KCNAB1: variants seen among roughly 807,000 people sequenced by gnomAD.
The protein encoded by KCNAB1 is potassium voltage-gated channel subfamily A regulatory beta subunit 1, also known as voltage-gated potassium channel subunit beta-1.
A neutral mutation model predicts 64.6 loss-of-function variants in KCNAB1; 35 were observed. The ratio of observed to expected loss-of-function variants is 0.54; its 90% CI spans 0.41 to 0.72. The LOEUF (loss-of-function observed/expected upper bound fraction) is 0.72. Among genes scored for constraint, KCNAB1 ranks in the 30% least tolerant of loss-of-function variants. The pLI, the probability that KCNAB1 is intolerant of heterozygous loss-of-function variation, is 0.00. For missense variants in KCNAB1, 401 were observed against 512.9 expected (o/e 0.78, Z 2.11); for synonymous variants, 177 against 183.8 (o/e 0.96, Z 0.30).
At chr3:156,401,397 C>G (rs1473830207) in intron 1 of KCNAB1, among the ~76,000 whole-genome samples, 2 of 152,220 alleles carry the variant, frequency 1.3e-5, no homozygotes, top group Non-Finnish European at 2.9e-5. Context: ...AAGTGTACAT[C>G]ATGAATCACT....
chr3:156,197,640 G>A (rs1295106513), intron 1 of KCNAB1, among the ~76,000 whole-genome samples: 2 of 152,144 alleles, frequency 1.3e-5, no homozygotes, highest in African/African-American at 4.8e-5. Flanking sequence ...GACCAGTGGT[G>A]ATATCCCCTT....
At position 156,364,737 on chromosome 3, in the gene KCNAB1, C is replaced by T. The variant is rs188728291; in HGVS notation, c.276-56879C>T. The stretch of plus-strand genomic sequence containing the variant: ...AGGTTCCGGTGAGCCAAGATGGCAC[C>T]GTTGCACTCCAGCCTGGGCAACAAG... On this transcript the variant is annotated intron_variant, in intron 1 of 13. Transcript: ENST00000490337. Among the ~76,000 whole-genome samples, 62 of 152,084 alleles carry T rather than the reference C, an allele frequency of 4.1e-4. 1 individual carries two copies. The highest frequency in any genetic ancestry group is 1.3e-3 in the African/African-American group (52 of 41,494).
chr3:156,217,468 G>A (rs1274596325), intron 1 of KCNAB1, among the ~76,000 whole-genome samples: 2 of 152,212 alleles, frequency 1.3e-5, no homozygotes, highest in African/African-American at 4.8e-5. Flanking sequence ...TAAGACCTGA[G>A]TAAAAAGAGG....
chr3:156,183,158 G>A (rs1008806638), intron 1 of KCNAB1, among the ~76,000 whole-genome samples: 6 of 152,206 alleles, frequency 3.9e-5, no homozygotes, highest in Non-Finnish European at 7.4e-5. Flanking sequence ...AAGAAATGAG[G>A]CCTTGAGGAG....
chr3:156,455,672 A>G (rs1712352161), intron 3 of KCNAB1, among the ~76,000 whole-genome samples: 1 of 152,164 alleles, frequency 6.6e-6, no homozygotes, highest in African/African-American at 2.4e-5. Flanking sequence ...CTTTTACACT[A>G]GAAGTGTAGA....
chr3:156,384,156 C>A (rs975877671), intron 1 of KCNAB1, among the ~76,000 whole-genome samples: 1 of 152,186 alleles, frequency 6.6e-6, no homozygotes, highest in Non-Finnish European at 1.5e-5. Context: ...GTTCACTGCC[C>A]TTTTGCTAAA....
At chr3:156,435,267 C>T (rs1349076555) in intron 2 of KCNAB1, among the ~76,000 whole-genome samples, 1 of 152,104 alleles carries the variant, frequency 6.6e-6, no homozygotes, top group African/African-American at 2.4e-5. Flanking sequence ...AAGCAGGAGG[C>T]ACTATTACCT....
intron 1 of KCNAB1, among the ~76,000 whole-genome samples, chr3:156,318,071 CAGAG>C (rs1238657873): frequency 1.3e-5 from 2 of 152,102 alleles, no homozygotes; most frequent in Admixed American, 6.5e-5. Context: ...AAAGCAGTGA[CAGAG>C]AGGTAAAAGG....
At chr3:156,370,205 T>C (rs1726211914) in intron 1 of KCNAB1, among the ~76,000 whole-genome samples, 1 of 152,194 alleles carries the variant, frequency 6.6e-6, no homozygotes, top group South Asian at 2.1e-4. Flanking sequence ...CATGCAAACA[T>C]GCTCCTCTGA....
chr3:156,277,448 T>C (rs1036813007), intron 1 of KCNAB1, among the ~76,000 whole-genome samples: 5 of 152,112 alleles, frequency 3.3e-5, no homozygotes, highest in Non-Finnish European at 7.4e-5. Flanking sequence ...AAATGCAGTA[T>C]GTGTGAAGTG....
rs191061204 is a variant in KCNAB1 at position 156,395,286 on chromosome 3, C to T, written c.276-26330C>T. The stretch of plus-strand genomic sequence containing the variant: ...TAGGGCCGGGCGCGGTGGCTCACGC[C>T]TGTAATCCCAGCACTTTGGGAGGCC... On this transcript the variant is annotated intron_variant, in intron 1 of 13. Transcript: ENST00000490337. 6.0e-4 allele frequency among the ~76,000 whole-genome samples: 91 copies of T among 152,046 alleles called. No individual in the cohort carries two copies. In the East Asian group the frequency reaches 0.016, roughly 27 times the overall value.
intron 8 of KCNAB1, among the ~76,000 whole-genome samples, chr3:156,484,765 C>G (rs529180119): frequency 2.0e-5 from 3 of 152,018 alleles, no homozygotes; most frequent in Non-Finnish European, 4.4e-5. Flanking sequence ...CAAATACCCT[C>G]GAGTCTCTCT....
At chr3:156,175,873 C>G in intron 1 of KCNAB1, 1 of 731,952 alleles carries the variant, frequency 1.4e-6, no homozygotes, top group Non-Finnish European at 2.5e-6. Context: ...TCCCAACAGT[C>G]TCTTGTCACT....
intron 1 of KCNAB1, among the ~76,000 whole-genome samples, chr3:156,285,972 C>G (rs1486590745): frequency 1.3e-5 from 2 of 152,132 alleles, no homozygotes; most frequent in Non-Finnish European, 2.9e-5. Context: ...GAAAGCACAC[C>G]TATCCTTTGA....
chr3:156,414,000 T>C (rs1337478553), intron 1 of KCNAB1, among the ~76,000 whole-genome samples: 1 of 152,224 alleles, frequency 6.6e-6, no homozygotes, highest in Non-Finnish European at 1.5e-5. Flanking sequence ...GGCAGACTAA[T>C]GCATTATGGC....
At chr3:156,246,485 C>T (rs1161773685) in intron 1 of KCNAB1, among the ~76,000 whole-genome samples, 4 of 152,002 alleles carry the variant, frequency 2.6e-5, no homozygotes, top group African/African-American at 9.7e-5. Flanking sequence ...TGCCTGTAAT[C>T]CCAGCTACCT....
At chr3:156,328,796 T>A (rs1723147051) in intron 1 of KCNAB1, among the ~76,000 whole-genome samples, 1 of 152,188 alleles carries the variant, frequency 6.6e-6, no homozygotes, top group Non-Finnish European at 1.5e-5. Flanking sequence ...GAGAAATTGA[T>A]CTATAATTCA....
intron 1 of KCNAB1, among the ~76,000 whole-genome samples, chr3:156,223,764 G>A (rs967144381): frequency 1.3e-4 from 20 of 152,344 alleles, no homozygotes; most frequent in African/African-American, 4.1e-4. Flanking sequence ...TAGATACAGG[G>A]TGCTGATTGG....
At chr3:156,301,101 G>T (rs1197635663) in intron 1 of KCNAB1, among the ~76,000 whole-genome samples, 1 of 152,110 alleles carries the variant, frequency 6.6e-6, no homozygotes, top group East Asian at 1.9e-4. Context: ...AAGCCCATCT[G>T]GTTTAACAGA....
Sources: gnomAD v4.1 joint callset for allele counts (sites outside exome capture counted in the v4.1 genomes callset) on GRCh38, gnomAD v4.1.1 for gene constraint, MANE v1.5 for transcripts, NCBI Gene and HGNC (gene_info 2026-07-23, HGNC 2026-07-21) for gene names.